The following MYH11 variants were observed in gnomAD, a reference collection of about 807,000 sequenced individuals.
MYH11 encodes myosin-11.
In MYH11, 80 loss-of-function variants were observed where a neutral mutation model predicts 246.6. The observed-to-expected ratio is 0.32, with a 90% CI of 0.27 to 0.39. The LOEUF is 0.39. Ranked by LOEUF, MYH11 falls within the 10% of genes least tolerant of loss-of-function variation. The pLI is 1.00. For missense variants in MYH11, 2,158 were observed against 2,546.8 expected, an observed-to-expected ratio of 0.85 and a Z score of 3.29; for synonymous variants, 1,071 against 1,015.5, an observed-to-expected ratio of 1.05 and a Z score of -1.04.
intron 40 of MYH11, chr16:15,712,895 T>TTTTTTTTTTTTTTTTG (rs1567680276): frequency 6.7e-6 from 1 of 148,746 alleles, no homozygotes; most frequent in African/African-American, 2.5e-5. Context: ...TTTTTTTTTT[T>TTTTTTTTTTTTTTTTG]GAGACCGAGT....
rs138144263 is a variant in MYH11, at chr16:15,739,602, G to A, written c.2997+449C>T. ...AGCTCAAAGAACTAAAAGCAGGTGG[G>A]GCTGGTTAGTGACTACTGACTACGG... On this transcript the variant is annotated intron_variant, in intron 23 of 40. Coordinates refer to ENST00000300036, the MANE Select transcript of MYH11 (RefSeq NM_002474.3). Among the ~76,000 whole-genome samples, 398 of 152,280 alleles carry A rather than the reference G, an allele frequency of 2.6e-3. 4 individuals carry two copies. Among genetic ancestry groups the A allele is most frequent in the African/African-American group, 8.8e-3 (365 of 41,556 alleles).
At chr16:15,852,250 T>A (rs1490732742) in intron 1 of MYH11, among the ~76,000 whole-genome samples, 1 of 151,994 alleles carries the variant, frequency 6.6e-6, no homozygotes, top group Non-Finnish European at 1.5e-5. Flanking sequence ...TGGAAAATAT[T>A]GTCTTCCACG....
Position 15,823,279 on chromosome 16 carries a change from T to C in MYH11, c.478A>G (p.Thr160Ala). ...MPPHIYAIADTAYRSMLQDRE... is the reference protein window; with the variant it reads ...MPPHIYAIADAAYRSMLQDRE... Reference sequence around the variant, plus strand: ...CCTTGAAGCATGCTCCGGTAGGCCGTGTCTGCGATGGCGTAGATGTGAGGC... The same window carrying C: ...CCTTGAAGCATGCTCCGGTAGGCCGCGTCTGCGATGGCGTAGATGTGAGGC... Residue 160 changes from threonine to alanine, a missense_variant, in exon 3 of 41, where the codon ACG (threonine) becomes GCG (alanine). Physicochemically the swap from Thr to Ala is moderately conservative, Grantham distance 58. Around this residue, in one of 11 missense-constraint regions of MYH11, gnomAD observed 123 missense variants for 207.1 expected, o/e 0.59. Coordinates refer to ENST00000300036, the MANE Select transcript of MYH11 (RefSeq NM_002474.3). 6.2e-7 allele frequency: 1 copy of C among 1,614,222 alleles called. No homozygotes were observed. Among genetic ancestry groups the C allele is most frequent in the Non-Finnish European group, 8.5e-7 (1 of 1,180,044 alleles).
At chr16:15,769,300 T>C (rs527273237) in intron 9 of MYH11, among the ~76,000 whole-genome samples, 7 of 151,992 alleles carry the variant, frequency 4.6e-5, no homozygotes, top group Non-Finnish European at 8.8e-5. Context: ...TGGGTGACAA[T>C]AGCAAGCCTC....
chr16:15,716,279 G>T (rs1028175513), intron 38 of MYH11, among the ~76,000 whole-genome samples: 1 of 152,040 alleles, frequency 6.6e-6, no homozygotes, highest in South Asian at 2.1e-4. Context: ...AATGACTGTG[G>T]TGATCGTTTT....
chr16:15,822,336 T>C (rs927285286), intron 3 of MYH11, among the ~76,000 whole-genome samples: 3 of 152,170 alleles, frequency 2.0e-5, no homozygotes, highest in African/African-American at 4.8e-5. Context: ...CTAGTCCCTC[T>C]GTTTGACTTG....
chr16:15,741,339 C>T (rs2041265381), intron 22 of MYH11, 124 bp downstream of exon 22: 4 of 1,132,798 alleles, frequency 3.5e-6, no homozygotes, highest in Admixed American at 1.7e-5. Context: ...GACCAACCCT[C>T]TCCAAGCCCC....
At chr16:15,738,367 G>T (rs1596758057) in intron 24 of MYH11, among the ~76,000 whole-genome samples, 198 bp downstream of exon 24, 1 of 151,976 alleles carries the variant, frequency 6.6e-6, no homozygotes, top group Admixed American at 6.6e-5. Context: ...AAAAAAATTA[G>T]CTGGGTGTGG....
chr16:15,780,682 C>T (rs1028433430), intron 6 of MYH11, among the ~76,000 whole-genome samples: 2 of 151,860 alleles, frequency 1.3e-5, no homozygotes, highest in Non-Finnish European at 2.9e-5. Flanking sequence ...AGGGTTTCAC[C>T]ATGTTAGCCA....
intron 28 of MYH11, chr16:15,725,912 A>C (rs929174142): frequency 2.6e-5 from 10 of 382,386 alleles, no homozygotes; most frequent in Non-Finnish European, 4.6e-5. Context: ...AAAGCCCTAC[A>C]TCATCTGGGT....
At chr16:15,779,192 C>A (rs2042292291) in intron 6 of MYH11, 1 of 392,278 alleles carries the variant, frequency 2.5e-6, no homozygotes, top group Non-Finnish European at 4.8e-6. Context: ...TGCAGTGGTG[C>A]AATCACAGCT....
intron 1 of MYH11, among the ~76,000 whole-genome samples, chr16:15,852,135 C>A (rs2044345570): frequency 6.6e-6 from 1 of 152,056 alleles, no homozygotes; most frequent in Non-Finnish European, 1.5e-5. Context: ...ATTGCCAACT[C>A]CACCTGCAAG....
At chr16:15,756,090 C>G (rs576913215) in intron 14 of MYH11, among the ~76,000 whole-genome samples, 7 of 152,142 alleles carry the variant, frequency 4.6e-5, no homozygotes, top group Non-Finnish European at 8.8e-5. Flanking sequence ...AAAGCGAGAC[C>G]CTGTCTCCAA....
At chr16:15,828,807 G>A (rs1039776266) in intron 2 of MYH11, among the ~76,000 whole-genome samples, 1 of 144,216 alleles carries the variant, frequency 6.9e-6, no homozygotes, top group African/African-American at 2.7e-5. Context: ...AAAAAAAGAA[G>A]GAAGGAAGGA....
At chr16:15,782,179 C>A (rs966677948) in intron 6 of MYH11, among the ~76,000 whole-genome samples, 1 of 152,092 alleles carries the variant, frequency 6.6e-6, no homozygotes, top group African/African-American at 2.4e-5. Flanking sequence ...CCGCACCAGG[C>A]CAATCAATAT....
At position 15,720,967 on chromosome 16, in the gene MYH11, G is replaced by C. The variant is rs202231621; in HGVS notation, c.4663C>G (p.Leu1555Val). Reference protein sequence around the residue: ...KTQLEELEDELQATEDAKLRL... With the variant: ...KTQLEELEDEVQATEDAKLRL... ...AGTTTGGCGTCCTCCGTGGCTTGCA[G>C]CTCGTCCTCCAGCTCTTCCAGCTGC... is the stretch of plus-strand genomic sequence containing the variant. The change falls in exon 33 of 41, where the codon CTG becomes GTG. Residue 1555 changes from leucine to valine, a missense_variant. Around this residue, in one of 11 missense-constraint regions of MYH11, gnomAD observed 1,013 missense variants for 993.5 expected, o/e 1.02. Transcript: ENST00000300036. The C allele has an allele frequency of 1.9e-6, 3 of 1,614,062 alleles. No homozygotes were observed. The Middle Eastern group carries it at 5.0e-4, about 266-fold the overall frequency.
At chr16:15,826,009 T>C (rs1247061544) in intron 2 of MYH11, among the ~76,000 whole-genome samples, 2 of 152,102 alleles carry the variant, frequency 1.3e-5, no homozygotes, top group African/African-American at 4.8e-5. Context: ...GAGGGTTAAG[T>C]GACTTGACCG....
intron 37 of MYH11, chr16:15,718,036 C>T (rs1245642049): frequency 3.7e-6 from 2 of 536,224 alleles, no homozygotes; most frequent in African/African-American, 3.8e-5. Context: ...GAAAGAGCAT[C>T]CCAAGGCCCG....
At chr16:15,850,866 G>C (rs547544516) in intron 1 of MYH11, among the ~76,000 whole-genome samples, 1 of 152,210 alleles carries the variant, frequency 6.6e-6, no homozygotes, top group South Asian at 2.1e-4. Context: ...CTGCACTCTA[G>C]CCTGGGTGAC....
Sources: gnomAD v4.1 joint callset for allele counts (sites outside exome capture counted in the v4.1 genomes callset) on GRCh38, gnomAD v4.1.1 for gene constraint, gnomAD v4.1.1 regional missense constraint, MANE v1.5 for transcripts, NCBI Gene and HGNC (gene_info 2026-07-23, HGNC 2026-07-21) for gene names.